The following DCAF1 variants were observed in gnomAD, a reference collection of about 807,000 sequenced individuals.
DCAF1 encodes DDB1 and CUL4 associated factor 1.
DCAF1 carries 15 observed loss-of-function variants against 128.0 expected under a neutral mutation model. That is an observed-to-expected ratio of 0.12 (90% CI 0.08 to 0.18). The LOEUF (loss-of-function observed/expected upper bound fraction) is 0.18, where lower values mean the gene tolerates loss of function less well. Ranked by LOEUF, DCAF1 falls within the 10% of genes least tolerant of loss-of-function variation. DCAF1 has a pLI of 1.00. For synonymous variants in DCAF1, 610 were observed against 603.0 expected, an observed-to-expected ratio of 1.01 and a Z score of -0.17; for missense variants, 988 against 1,649.5, an observed-to-expected ratio of 0.60 and a Z score of 6.95.
rs557527391 is a variant in DCAF1 at position 51,460,698 on chromosome 3, G to C, written c.375+2416C>G. 5.0e-3 allele frequency among the ~76,000 whole-genome samples: 757 copies of C among 152,232 alleles called. 3 individuals are homozygous for C. The highest frequency in any genetic ancestry group is 7.8e-3 in the Non-Finnish European group (534 of 68,026). Reference sequence around the variant, plus strand: ...ACAGTAACCAAAACAGCATGGTACTGGTACCAAAACAGATATATAGACCAA... The same window carrying C: ...ACAGTAACCAAAACAGCATGGTACTCGTACCAAAACAGATATATAGACCAA... On this transcript the variant is annotated intron_variant, in intron 6 of 24. Coordinates refer to ENST00000684031, the MANE Select transcript of DCAF1 (RefSeq NM_001387579.1).
chr3:51,439,951 C>T (rs539774042), intron 9 of DCAF1, among the ~76,000 whole-genome samples: 1 of 152,128 alleles, frequency 6.6e-6, no homozygotes, highest in East Asian at 1.9e-4. Context: ...GAAATCACAC[C>T]ACTGCACTCC....
chr3:51,430,166 G>T lies in DCAF1; in HGVS notation c.1334C>A (p.Thr445Asn), dbSNP rs372952570. 30 of 780,712 alleles carry T rather than the reference G, an allele frequency of 3.8e-5. No homozygotes were observed. Among genetic ancestry groups the T allele is most frequent in the African/African-American group, 8.5e-5 (5 of 59,116 alleles). The allele number at this position is 780,712 out of a possible 1,614,324, so 48.4% of individuals were successfully genotyped here. A position where few individuals can be genotyped will look rare whatever the true frequency, so the allele number is the denominator to read the frequency against. ...ATGAGAACACTCCATTAACCACAGGGTATAGTTCACCACATCAGACAGAAC... is the reference window on the plus strand; with the variant it reads ...ATGAGAACACTCCATTAACCACAGGTTATAGTTCACCACATCAGACAGAAC... ...HNVLSDVVNYTLWLMECSHAS... is the reference protein window; with the variant it reads ...HNVLSDVVNYNLWLMECSHAS... Residue 445 changes from threonine (T) to asparagine (N), a missense_variant, in exon 11 of 25, where the codon ACC becomes AAC. By Grantham distance (65) the Thr-to-Asn change is moderately conservative (BLOSUM62 0). This residue lies in a region of DCAF1 where 185 missense variants were observed against 248.1 expected (regional missense o/e 0.75). Transcript: ENST00000684031.
In DCAF1 at chr3:51,398,732, C is replaced by T; in HGVS notation, c.*37G>A. On this transcript the variant is annotated 3_prime_UTR_variant, in exon 25 of 25. Coordinates refer to ENST00000684031, the MANE Select transcript of DCAF1 (RefSeq NM_001387579.1). Reference sequence around the variant, plus strand: ...TCTGAATTCATTTGACTCAGTTTCTCGCCTGCCAAGAATCTCTTCCAAGCA... The same window carrying T: ...TCTGAATTCATTTGACTCAGTTTCTTGCCTGCCAAGAATCTCTTCCAAGCA... 7 of 1,567,218 alleles carry T rather than the reference C, an allele frequency of 4.5e-6. No individual in the cohort carries two copies. Among genetic ancestry groups the T allele is most frequent in the Non-Finnish European group, 6.1e-6 (7 of 1,155,680 alleles).
chr3:51,412,647 G>C (rs1033829026), intron 22 of DCAF1, among the ~76,000 whole-genome samples, 167 bp from the exon 23 acceptor site: 1 of 152,124 alleles, frequency 6.6e-6, no homozygotes, highest in Non-Finnish European at 1.5e-5. Flanking sequence ...GACACATAAA[G>C]GGGAAGAAAA....
Position 51,414,644 on chromosome 3 carries a change from C to T in DCAF1, c.3817G>A (p.Val1273Met). 2 of 1,614,042 alleles carry T rather than the reference C, an allele frequency of 1.2e-6. No homozygotes were observed. Among genetic ancestry groups the T allele is most frequent in the South Asian group, 1.1e-5 (1 of 91,084 alleles). Residue 1273 changes from valine to methionine, a missense_variant, in exon 19 of 25, where the codon GTG becomes ATG. Around this residue, in one of 11 missense-constraint regions of DCAF1, gnomAD observed 85 missense variants for 204.6 expected, o/e 0.42. Coordinates refer to ENST00000684031, the MANE Select transcript of DCAF1 (RefSeq NM_001387579.1). Reference protein sequence around the residue: ...SGVFHPNGLEVIINTEIWDLR... With the variant: ...SGVFHPNGLEMIINTEIWDLR... ...GATACAATCTCAGTATTAATGATCACCTCCAGTCCATTTGGATGGAAAACA... is the reference window on the plus strand; with the variant it reads ...GATACAATCTCAGTATTAATGATCATCTCCAGTCCATTTGGATGGAAAACA...
At chr3:51,415,733 CCCAAGCCCA>C (rs1698821538) in intron 18 of DCAF1, among the ~76,000 whole-genome samples, 1 of 151,980 alleles carries the variant, frequency 6.6e-6, no homozygotes, top group Non-Finnish European at 1.5e-5. Context: ...GACTATAGGT[CCCAAGCCCA>C]CCAAGCTCAG....
At chr3:51,406,492 C>T (rs553832477) in intron 23 of DCAF1, among the ~76,000 whole-genome samples, 2 of 151,538 alleles carry the variant, frequency 1.3e-5, no homozygotes, top group Admixed American at 6.6e-5. Context: ...CAGGGCCAGG[C>T]CATTTTAAAT....
chr3:51,495,559 TTAAC>T (rs1465305571), intron 2 of DCAF1, among the ~76,000 whole-genome samples: 10 of 151,516 alleles, frequency 6.6e-5, no homozygotes. Flanking sequence ...TGTAACAGAC[TTAAC>T]TAATAATAGC....
Position 51,441,541 on chromosome 3 carries a change from A to C in DCAF1, c.870T>G (p.Ser290=), listed in dbSNP as rs375456057. ...GCTCAACAAACATGCGATCTGGATC[A>C]GAAGATGAGAAACCCAACTTTTGCT... ...KAKQKLGFSS[S]DPDRMFVELS... The change falls in exon 8 of 25, where the codon TCT becomes TCG. Residue 290 remains serine (S), a synonymous_variant. Transcript: ENST00000684031. 3 of 1,613,928 alleles carry C rather than the reference A, an allele frequency of 1.9e-6. No homozygotes were observed. The African/African-American group carries it at 4.0e-5, about 22-fold the overall frequency.
intron 3 of DCAF1, among the ~76,000 whole-genome samples, chr3:51,474,328 G>C (rs527719663): frequency 6.6e-6 from 1 of 152,150 alleles, no homozygotes; most frequent in South Asian, 2.1e-4. Flanking sequence ...GCTGAGGCAG[G>C]AGAATCGCTT....
intron 6 of DCAF1, among the ~76,000 whole-genome samples, chr3:51,455,523 T>A (rs1324313544): frequency 3.3e-5 from 5 of 152,050 alleles, no homozygotes; most frequent in Non-Finnish European, 7.4e-5. Context: ...GGAGAACAGC[T>A]TAAGCCCAGG....
chr3:51,498,599 A>T (rs1192339519), intron 1 of DCAF1, among the ~76,000 whole-genome samples: 7 of 152,076 alleles, frequency 4.6e-5, no homozygotes, highest in African/African-American at 2.4e-5. Context: ...AAAAAATTTT[A>T]AAACTGTATA....
At chr3:51,419,588 C>A in intron 15 of DCAF1, 146 bp downstream of exon 15, 1 of 1,388,652 alleles carries the variant, frequency 7.2e-7, no homozygotes, top group South Asian at 1.6e-5. Context: ...CCATGGTTGA[C>A]AAAAGGTGGT....
At chr3:51,447,108 A>T (rs192259361) in intron 6 of DCAF1, among the ~76,000 whole-genome samples, 9 of 152,032 alleles carry the variant, frequency 5.9e-5, no homozygotes, top group East Asian at 3.9e-4. Flanking sequence ...GACCATTTTT[A>T]AAAAAGTCCT....
chr3:51,412,291 T>C (rs1577068092), intron 23 of DCAF1, 88 bp downstream of exon 23: 18 of 1,574,214 alleles, frequency 1.1e-5, no homozygotes, highest in East Asian at 4.5e-5. Context: ...AAAGGTTGAG[T>C]AGACCTTTAA....
chr3:51,462,209 G>A (rs557193307), intron 6 of DCAF1, among the ~76,000 whole-genome samples: 1 of 152,114 alleles, frequency 6.6e-6, no homozygotes, highest in East Asian at 1.9e-4. Context: ...GAACACTTGG[G>A]TCAGGAGTTT....
chr3:51,461,855 T>C (rs1303057295), intron 6 of DCAF1, among the ~76,000 whole-genome samples: 11 of 151,880 alleles, frequency 7.2e-5, no homozygotes, highest in African/African-American at 1.5e-4. Context: ...AGGTGGGAAT[T>C]GAACAATGAG....
chr3:51,492,473 C>G (rs1304071270), intron 2 of DCAF1, among the ~76,000 whole-genome samples: 8 of 151,728 alleles, frequency 5.3e-5, no homozygotes, highest in Non-Finnish European at 1.2e-4. Flanking sequence ...CCGAGATTAC[C>G]CCAATGCACA....
At chr3:51,422,887 T>C (rs1057003210) in intron 13 of DCAF1, among the ~76,000 whole-genome samples, 3 of 151,854 alleles carry the variant, frequency 2.0e-5, no homozygotes, top group African/African-American at 7.3e-5. Flanking sequence ...AACATGGTTT[T>C]ATCTTTTTCT....
Sources: allele counts gnomAD v4.1 joint callset (sites outside exome capture counted in the v4.1 genomes callset), GRCh38; gene constraint gnomAD v4.1.1; regional missense constraint gnomAD v4.1.1; transcripts MANE v1.5; gene names NCBI Gene and HGNC (gene_info 2026-07-23, HGNC 2026-07-21).